The following NUP210L variants were observed in gnomAD, a reference collection of about 807,000 sequenced individuals.
The protein encoded by NUP210L is nuclear pore membrane glycoprotein 210-like.
In NUP210L, 74 loss-of-function variants were observed where a neutral mutation model predicts 208.5. That is an observed-to-expected ratio of 0.35 (90% CI 0.29 to 0.43). The LOEUF (loss-of-function observed/expected upper bound fraction) is 0.43. Among genes scored for constraint, NUP210L ranks in the 20% least tolerant of loss-of-function variants. The probability of loss-of-function intolerance (pLI) is 1.00; values close to 1 mark genes in which losing one functional copy is unlikely to be tolerated. For synonymous variants in NUP210L, 780 were observed against 816.9 expected, an observed-to-expected ratio of 0.95 and a Z score of 0.77; for missense variants, 1,843 against 2,289.4, an observed-to-expected ratio of 0.81 and a Z score of 3.98.
At chr1:154,088,853 A>G (rs1198669728) in intron 16 of NUP210L, among the ~76,000 whole-genome samples, 2 of 152,178 alleles carry the variant, frequency 1.3e-5, no homozygotes, top group African/African-American at 4.8e-5. Flanking sequence ...TGTTTATTAT[A>G]TAATATGATG....
At chr1:154,128,877 A>T (rs1332327006) in intron 8 of NUP210L, among the ~76,000 whole-genome samples, 1 of 152,168 alleles carries the variant, frequency 6.6e-6, no homozygotes, top group Non-Finnish European at 1.5e-5. Context: ...ACAAACAAAA[A>T]AAAGAAACAC....
intron 33 of NUP210L, among the ~76,000 whole-genome samples, chr1:154,015,749 A>ACACACC (rs1491136384): frequency 6.8e-5 from 10 of 147,390 alleles, no homozygotes; most frequent in Admixed American, 1.4e-4. Context: ...ACACACACAC[A>ACACACC]CCCCACAGAA....
intron 35 of NUP210L, among the ~76,000 whole-genome samples, chr1:154,006,926 C>CTGTG (rs796890210): frequency 0.074 from 6,304 of 85,516 alleles, 297 homozygotes; most frequent in Admixed American, 0.11. Context: ...ACACATATGT[C>CTGTG]TGTGTGTGTG....
At position 153,992,947 on chromosome 1, in the gene NUP210L, G is replaced by A. The variant is rs1472680655; in HGVS notation, c.5567-12C>T. 5 of 1,609,148 alleles carry A rather than the reference G, an allele frequency of 3.1e-6. No individual in the cohort carries two copies. Among genetic ancestry groups the A allele is most frequent in the African/African-American group, 2.7e-5 (2 of 74,572 alleles). Reference sequence around the variant, plus strand: ...GGAGTTAAAAAAACCTAGAAGAAGAGGGAAAAGTTGAGTGAATTAAACGTG... The same window carrying A: ...GGAGTTAAAAAAACCTAGAAGAAGAAGGAAAAGTTGAGTGAATTAAACGTG... On this transcript the variant is annotated splice_polypyrimidine_tract_variant and intron_variant, in intron 39 of 39. Transcript: ENST00000368559.
At chr1:154,004,011 T>A (rs918167457) in intron 35 of NUP210L, among the ~76,000 whole-genome samples, 2 of 152,042 alleles carry the variant, frequency 1.3e-5, no homozygotes, top group Non-Finnish European at 2.9e-5. Context: ...ATTAGTCTGG[T>A]CTAGACCCTT....
exon 10 of NUP210L, chr1:154,126,345 G>A (rs1557995971): frequency 1.2e-6 from 2 of 1,613,064 alleles, no homozygotes; most frequent in Non-Finnish European, 1.7e-6. Flanking sequence ...GGAGGTCAGG[G>A]ATGCATTTAT....
At chr1:154,107,280 C>A (rs1014629673) in intron 12 of NUP210L, among the ~76,000 whole-genome samples, 7 of 150,494 alleles carry the variant, frequency 4.7e-5, no homozygotes, top group Non-Finnish European at 1.0e-4. Flanking sequence ...TCGAGACCAT[C>A]CTGGCTAACA....
chr1:154,092,430 C>T (rs1167867428), intron 15 of NUP210L, among the ~76,000 whole-genome samples: 2 of 150,828 alleles, frequency 1.3e-5, no homozygotes, highest in East Asian at 1.9e-4. Flanking sequence ...AGTGCAGTGG[C>T]GCGATCTCAG....
intron 5 of NUP210L, 45 bp from the exon 6 acceptor site, chr1:154,138,283 G>A (rs776842256): frequency 6.7e-6 from 10 of 1,499,478 alleles, no homozygotes; most frequent in South Asian, 2.8e-5. Context: ...TTCCATGGAC[G>A]GAACCCTCAC....
chr1:154,123,037 T>C (rs1385881997), intron 10 of NUP210L, among the ~76,000 whole-genome samples: 1 of 126,688 alleles, frequency 7.9e-6, no homozygotes, highest in Non-Finnish European at 1.6e-5. Context: ...GGTAACAGAG[T>C]GAGACCCTGT....
At chr1:154,037,330 C>T (rs1451376188) in intron 27 of NUP210L, among the ~76,000 whole-genome samples, 1 of 152,096 alleles carries the variant, frequency 6.6e-6, no homozygotes, top group African/African-American at 2.4e-5. Flanking sequence ...CTCTTAAACT[C>T]TAATATTATT....
At chr1:153,994,698 A>C (rs1011616931) in intron 38 of NUP210L, among the ~76,000 whole-genome samples, 3 of 151,690 alleles carry the variant, frequency 2.0e-5, no homozygotes, top group African/African-American at 7.3e-5. Context: ...TAAGTGGCTA[A>C]TTTTCATCCT....
intron 14 of NUP210L, among the ~76,000 whole-genome samples, chr1:154,099,007 G>C (rs1283442675): frequency 6.6e-6 from 1 of 152,152 alleles, no homozygotes; most frequent in Non-Finnish European, 1.5e-5. Flanking sequence ...TGTTAAAATT[G>C]CCCCAAGCGT....
intron 27 of NUP210L, among the ~76,000 whole-genome samples, chr1:154,040,326 C>A (rs965323468): frequency 6.6e-6 from 1 of 151,104 alleles, no homozygotes; most frequent in Non-Finnish European, 1.5e-5. Flanking sequence ...ATCGCTTGAG[C>A]CTAGAAGTTT....
chr1:154,002,756 C>T (rs1368026952), intron 35 of NUP210L, among the ~76,000 whole-genome samples: 1 of 151,420 alleles, frequency 6.6e-6, no homozygotes, highest in African/African-American at 2.4e-5. Flanking sequence ...TGAGAAACTG[C>T]TCCCTGGCTA....
rs1481145688 is a variant in NUP210L at position 154,077,586 on chromosome 1, C to A, written c.2362-7121G>T. Among the ~76,000 whole-genome samples, 3 of 152,044 alleles carry A rather than the reference C, an allele frequency of 2.0e-5. No homozygotes were observed. The East Asian group carries it at 5.8e-4, about 29-fold the overall frequency. ...AAGGTCACTAGACAATAGCTTGAAT[C>A]ACCATGAAGAAATAATCTGGAAAAG... is the stretch of plus-strand genomic sequence containing the variant. On this transcript the variant is annotated intron_variant, in intron 16 of 39. Transcript: ENST00000368559.
At chr1:154,001,817 T>A in exon 36 of NUP210L, 3 of 1,614,158 alleles carry the variant, frequency 1.9e-6, no homozygotes, top group Non-Finnish European at 2.5e-6. Flanking sequence ...CAATTCTGAC[T>A]GGTTAATATA....
At chr1:153,999,861 T>C (rs1335495549) in intron 37 of NUP210L, among the ~76,000 whole-genome samples, 1 of 151,260 alleles carries the variant, frequency 6.6e-6, no homozygotes, top group Admixed American at 6.6e-5. Context: ...GGTCTTGCTC[T>C]GTCACCAGGC....
At position 153,993,001 on chromosome 1, in the gene NUP210L, A is replaced by C; in HGVS notation, c.5566+14T>G. 6.2e-7 allele frequency: 1 copy of C among 1,612,542 alleles called. No individual in the cohort carries two copies. The highest frequency in any genetic ancestry group is 1.1e-5 in the South Asian group (1 of 90,888). ...ATCTGAGCTTTTCAAAGATGAGGAC[A>C]GAGGCTTTTTTACCTGGCTGTGGTG... is the stretch of plus-strand genomic sequence containing the variant. On this transcript the variant is annotated intron_variant, in intron 39 of 39. Coordinates refer to ENST00000368559, the Ensembl canonical transcript of NUP210L.
Sources: gnomAD v4.1 joint callset for allele counts (sites outside exome capture counted in the v4.1 genomes callset) on GRCh38, gnomAD v4.1.1 for gene constraint, MANE v1.5 for transcripts, NCBI Gene and HGNC (gene_info 2026-07-23, HGNC 2026-07-21) for gene names.